The following TAF4B variants were observed in gnomAD, a reference collection of about 807,000 sequenced individuals.
The protein encoded by TAF4B is transcription initiation factor TFIID subunit 4B.
A neutral mutation model predicts 86.4 loss-of-function variants in TAF4B; 38 were observed. That is an observed-to-expected ratio of 0.44 (90% CI 0.34 to 0.58). The LOEUF is 0.58. TAF4B is among the 20% of genes least tolerant of loss of function. The probability of loss-of-function intolerance (pLI) is 0.02; values close to 1 mark genes in which losing one functional copy is unlikely to be tolerated. For missense variants in TAF4B, 988 were observed against 1,027.6 expected (o/e 0.96, Z 0.53); for synonymous variants, 388 against 391.2 (o/e 0.99, Z 0.10).
At chr18:26,227,512 G>A (rs1239196564) in intron 1 of TAF4B, among the ~76,000 whole-genome samples, 3 of 152,194 alleles carry the variant, frequency 2.0e-5, no homozygotes, top group African/African-American at 7.2e-5. Context: ...TATTCGGGGG[G>A]GCTTTCAGGC....
intron 13 of TAF4B, among the ~76,000 whole-genome samples, chr18:26,349,444 CCAAACAAA>C (rs71169854): frequency 0.021 from 3,134 of 151,642 alleles, 45 homozygotes; most frequent in Middle Eastern, 0.068. Flanking sequence ...AAAATCCCTG[CCAAACAAA>C]CAAACAAACA....
intron 1 of TAF4B, among the ~76,000 whole-genome samples, chr18:26,236,099 T>C (rs1568093219): frequency 6.6e-6 from 1 of 152,200 alleles, no homozygotes; most frequent in Non-Finnish European, 1.5e-5. Flanking sequence ...TCAGGGTTGA[T>C]TCCCTCCTCA....
At chr18:26,304,144 T>G (rs1238505564) in intron 9 of TAF4B, among the ~76,000 whole-genome samples, 1 of 150,126 alleles carries the variant, frequency 6.7e-6, no homozygotes, top group Non-Finnish European at 1.5e-5. Flanking sequence ...ATGTCAAGAT[T>G]GAGATTAGAA....
At chr18:26,293,297 ATAGTTC>A in intron 8 of TAF4B, 123 bp from the exon 9 acceptor site, 1 of 575,916 alleles carries the variant, frequency 1.7e-6, no homozygotes, top group Non-Finnish European at 3.0e-6. Flanking sequence ...GAATTTAAAC[ATAGTTC>A]TAGGGCAGCT....
At chr18:26,230,419 A>T (rs1283694027) in intron 1 of TAF4B, among the ~76,000 whole-genome samples, 1 of 152,224 alleles carries the variant, frequency 6.6e-6, no homozygotes. Flanking sequence ...TCAAAGGGAT[A>T]CAGTGTACAT....
chr18:26,268,298 T>A (rs753117758), intron 3 of TAF4B, among the ~76,000 whole-genome samples: 6 of 152,192 alleles, frequency 3.9e-5, no homozygotes, highest in African/African-American at 9.7e-5. Context: ...ATGTTGGAGA[T>A]CAGCTGTTCT....
At chr18:26,283,925 A>C (rs2056479973) in intron 6 of TAF4B, among the ~76,000 whole-genome samples, 1 of 152,114 alleles carries the variant, frequency 6.6e-6, no homozygotes, top group Non-Finnish European at 1.5e-5. Context: ...GTGGTGGCGC[A>C]TGCCTATAGT....
intron 1 of TAF4B, among the ~76,000 whole-genome samples, chr18:26,232,212 C>T (rs1259871100): frequency 1.3e-5 from 2 of 152,138 alleles, no homozygotes; most frequent in African/African-American, 4.8e-5. Context: ...GGCTTCACCT[C>T]TCAATCTCCC....
chr18:26,285,817 C>A, intron 6 of TAF4B, 65 bp from the exon 7 acceptor site: 1 of 1,539,098 alleles, frequency 6.5e-7, no homozygotes, highest in South Asian at 1.3e-5. Context: ...TATGAAATAC[C>A]ACATTTTGTT....
intron 9 of TAF4B, among the ~76,000 whole-genome samples, chr18:26,314,288 T>C (rs1201205703): frequency 1.3e-5 from 2 of 152,214 alleles, no homozygotes; most frequent in African/African-American, 2.4e-5. Flanking sequence ...TTATTACATA[T>C]AGTGACAAGG....
At chr18:26,236,716 C>T (rs1427397717) in intron 1 of TAF4B, among the ~76,000 whole-genome samples, 2 of 152,182 alleles carry the variant, frequency 1.3e-5, no homozygotes, top group Non-Finnish European at 2.9e-5. Flanking sequence ...AGGGCCATGA[C>T]TAAGGCTGCG....
chr18:26,251,462 G>A (rs1000503897), intron 1 of TAF4B, among the ~76,000 whole-genome samples: 1 of 152,080 alleles, frequency 6.6e-6, no homozygotes, highest in Non-Finnish European at 1.5e-5. Flanking sequence ...CCAAGAAATT[G>A]GCATTTTTGG....
Position 26,284,137 on chromosome 18 carries a change from T to A in TAF4B, c.973-1745T>A, listed in dbSNP as rs532282555. 5.3e-5 allele frequency among the ~76,000 whole-genome samples: 8 copies of A among 152,294 alleles called. No individual in the cohort carries two copies. The East Asian group carries it at 1.5e-3, about 29-fold the overall frequency. On this transcript the variant is annotated intron_variant, in intron 6 of 14. Transcript: ENST00000269142. Reference sequence around the variant, plus strand: ...AGTACTTGCAGCTTTACCTTGCACTTTTATGTTAGTTATCAAGAGAGCTTC... The same window carrying A: ...AGTACTTGCAGCTTTACCTTGCACTATTATGTTAGTTATCAAGAGAGCTTC...
At chr18:26,286,628 T>TG (rs1158211951) in intron 7 of TAF4B, 129 bp downstream of exon 7, 1 of 1,050,536 alleles carries the variant, frequency 9.5e-7, no homozygotes, top group African/African-American at 1.6e-5. Flanking sequence ...TAATTTTTTT[T>TG]TTTTTTTACC....
chr18:26,374,186 T>C (rs996150729), intron 14 of TAF4B, among the ~76,000 whole-genome samples: 3 of 152,216 alleles, frequency 2.0e-5, no homozygotes, highest in Non-Finnish European at 4.4e-5. Flanking sequence ...ATATGTAATA[T>C]TTGAGGCTTT....
At chr18:26,262,998 G>A (rs752113229) in intron 1 of TAF4B, among the ~76,000 whole-genome samples, 6 of 151,950 alleles carry the variant, frequency 3.9e-5, no homozygotes, top group African/African-American at 1.2e-4. Flanking sequence ...TCACCTAGGC[G>A]GAAGTGCAGT....
intron 1 of TAF4B, among the ~76,000 whole-genome samples, chr18:26,234,054 G>A (rs1013289191): frequency 1.3e-5 from 2 of 152,178 alleles, no homozygotes; most frequent in Non-Finnish European, 2.9e-5. Context: ...CTGACTTTGG[G>A]TATGAGTACC....
At chr18:26,306,982 C>T (rs78669204) in intron 9 of TAF4B, among the ~76,000 whole-genome samples, 11,583 of 151,892 alleles carry the variant, frequency 0.076, 545 homozygotes, top group Non-Finnish European at 0.1. Context: ...GGAGTTTCAC[C>T]GTGTTAGCCA....
Position 26,389,591 on chromosome 18 carries a change from G to C in TAF4B, c.2422-254G>C, listed in dbSNP as rs917179520. On this transcript the variant is annotated intron_variant, in intron 14 of 14. Coordinates refer to ENST00000269142, the MANE Select transcript of TAF4B (RefSeq NM_005640.3). ...AAAGAATGGAGCAAAGTAGAGCCTG[G>C]AAATGGAGAAACCAGTTCAGAGGCT... Among the ~76,000 whole-genome samples the C allele has an allele frequency of 2.6e-5, 4 of 152,220 alleles. 1 individual carries two copies. The highest frequency in any genetic ancestry group is 7.2e-5 in the African/African-American group (3 of 41,456).
Sources: gnomAD v4.1 joint callset for allele counts (sites outside exome capture counted in the v4.1 genomes callset) on GRCh38, gnomAD v4.1.1 for gene constraint, MANE v1.5 for transcripts, NCBI Gene and HGNC (gene_info 2026-07-23, HGNC 2026-07-21) for gene names.